THSD7A: variants seen among roughly 807,000 people sequenced by gnomAD.
THSD7A encodes thrombospondin type 1 domain containing 7A.
THSD7A carries 96 observed loss-of-function variants against 231.3 expected under a neutral mutation model. The observed-to-expected ratio is 0.41, with a 90% CI of 0.35 to 0.49. The LOEUF (loss-of-function observed/expected upper bound fraction) is 0.49, where lower values mean the gene tolerates loss of function less well. Among genes scored for constraint, THSD7A ranks in the 20% least tolerant of loss-of-function variants. The probability of loss-of-function intolerance (pLI) is 0.05; values close to 1 mark genes in which losing one functional copy is unlikely to be tolerated. For missense variants in THSD7A, 2,290 were observed against 2,070.2 expected (o/e 1.11, Z -2.06); for synonymous variants, 940 against 743.3 (o/e 1.26, Z -4.30).
At chr7:11,585,983 T>G (rs1779885638) in intron 4 of THSD7A, among the ~76,000 whole-genome samples, 1 of 152,160 alleles carries the variant, frequency 6.6e-6, no homozygotes, top group Admixed American at 6.5e-5. Flanking sequence ...CAGCATTATT[T>G]GAGGACCTGC....
intron 6 of THSD7A, among the ~76,000 whole-genome samples, chr7:11,527,465 T>C (rs1304558324): frequency 6.6e-6 from 1 of 152,156 alleles, no homozygotes; most frequent in Non-Finnish European, 1.5e-5. Flanking sequence ...TCTGCTTTTG[T>C]AAGGACAGTT....
chr7:11,570,930 T>A (rs1240356590), intron 4 of THSD7A, among the ~76,000 whole-genome samples: 1 of 152,198 alleles, frequency 6.6e-6, no homozygotes, highest in African/African-American at 2.4e-5. Context: ...ATGTATTCCA[T>A]TTAATTCTTG....
intron 23 of THSD7A, among the ~76,000 whole-genome samples, chr7:11,395,174 T>C (rs1258094525): frequency 6.7e-6 from 1 of 149,026 alleles, no homozygotes; most frequent in Non-Finnish European, 1.5e-5. Context: ...GTTACAATCC[T>C]AGTCTCTGAT....
intron 13 of THSD7A, among the ~76,000 whole-genome samples, chr7:11,442,061 T>C (rs1784824082): frequency 6.6e-6 from 1 of 152,088 alleles, no homozygotes; most frequent in African/African-American, 2.4e-5. Flanking sequence ...AGAGTAAATA[T>C]ACAAAATTTG....
chr7:11,422,443 C>A (rs533212821), intron 16 of THSD7A, among the ~76,000 whole-genome samples: 19 of 152,048 alleles, frequency 1.2e-4, no homozygotes, highest in Non-Finnish European at 2.6e-4. Flanking sequence ...CAATCAGTAA[C>A]AAACAGAAAC....
chr7:11,576,247 G>T (rs912981861), intron 4 of THSD7A, among the ~76,000 whole-genome samples: 1 of 151,762 alleles, frequency 6.6e-6, no homozygotes, highest in Non-Finnish European at 1.5e-5. Flanking sequence ...CTTTATTGTC[G>T]GTATTTATAG....
intron 1 of THSD7A, among the ~76,000 whole-genome samples, chr7:11,714,511 T>G (rs1781071761): frequency 6.6e-6 from 1 of 151,250 alleles, no homozygotes; most frequent in Non-Finnish European, 1.5e-5. Flanking sequence ...TTGATTGAGT[T>G]AGTGTAAAAT....
intron 11 of THSD7A, among the ~76,000 whole-genome samples, chr7:11,457,089 T>A (rs1785332922): frequency 6.6e-6 from 1 of 152,088 alleles, no homozygotes; most frequent in African/African-American, 2.4e-5. Context: ...ATCGCTTTTA[T>A]TCATATATAT....
intron 6 of THSD7A, among the ~76,000 whole-genome samples, chr7:11,537,044 T>TA (rs145460176): frequency 0.082 from 12,438 of 152,172 alleles, 769 homozygotes; most frequent in East Asian, 0.18. Context: ...TCTCCAGTGG[T>TA]ATAAATTTTC....
intron 1 of THSD7A, among the ~76,000 whole-genome samples, chr7:11,658,613 G>A (rs944449510): frequency 6.6e-6 from 1 of 151,490 alleles, no homozygotes. Flanking sequence ...TACAGCTATC[G>A]CAAGAAATCT....
At chr7:11,672,205 T>C (rs1340837765) in intron 1 of THSD7A, among the ~76,000 whole-genome samples, 1 of 152,174 alleles carries the variant, frequency 6.6e-6, no homozygotes. Flanking sequence ...CTTTCAGATA[T>C]TCTAACAGAG....
At chr7:11,405,865 T>C (rs1783564299) in intron 22 of THSD7A, among the ~76,000 whole-genome samples, 1 of 152,230 alleles carries the variant, frequency 6.6e-6, no homozygotes, top group African/African-American at 2.4e-5. Context: ...TTGTTGTTCA[T>C]TCTACCCTGG....
At position 11,831,130 on chromosome 7, in the gene THSD7A, A is replaced by C. The variant is rs140142295; in HGVS notation, c.190+627T>G. Among the ~76,000 whole-genome samples, 843 of 152,256 alleles carry C rather than the reference A, an allele frequency of 5.5e-3. 10 individuals carry two copies. The highest frequency in any genetic ancestry group is 0.019 in the African/African-American group (796 of 41,548). On this transcript the variant is annotated intron_variant, in intron 1 of 27. Transcript: ENST00000423059. The surrounding 1 kb of genome is among the most constrained non-coding windows in gnomAD (Gnocchi z 5.0). ...TTGGGTGGTTGAAAAACAAAGCAAA[A>C]CAATTCTCAAGGAAGGAAGAGAAAG...
chr7:11,606,856 G>T (rs1283043036), intron 2 of THSD7A, among the ~76,000 whole-genome samples: 1 of 151,960 alleles, frequency 6.6e-6, no homozygotes, highest in Non-Finnish European at 1.5e-5. Flanking sequence ...TAGATAATTT[G>T]TCCCAAGAAT....
chr7:11,749,710 C>G (rs57993664), intron 1 of THSD7A, among the ~76,000 whole-genome samples: 2 of 151,764 alleles, frequency 1.3e-5, no homozygotes, highest in Non-Finnish European at 2.9e-5. Flanking sequence ...CCAAGCATAC[C>G]GGGAGCTATC....
At chr7:11,679,020 C>A (rs1435538562) in intron 1 of THSD7A, among the ~76,000 whole-genome samples, 3 of 152,184 alleles carry the variant, frequency 2.0e-5, no homozygotes, top group African/African-American at 4.8e-5. Context: ...CAGCTTCATC[C>A]CTGGGATGCA....
chr7:11,426,070 AC>A (rs1450573883), intron 15 of THSD7A, among the ~76,000 whole-genome samples: 48 of 122,928 alleles, frequency 3.9e-4, no homozygotes, highest in African/African-American at 5.4e-4. Context: ...AAAAAAAAAA[AC>A]ATTAAAAAAA....
At chr7:11,427,715 T>C (rs1784365601) in intron 14 of THSD7A, among the ~76,000 whole-genome samples, 1 of 152,180 alleles carries the variant, frequency 6.6e-6, no homozygotes, top group Non-Finnish European at 1.5e-5. Flanking sequence ...TGTAGAGAAA[T>C]ATTCTTTTGT....
At chr7:11,716,959 C>A (rs541506217) in intron 1 of THSD7A, among the ~76,000 whole-genome samples, 2 of 151,692 alleles carry the variant, frequency 1.3e-5, no homozygotes, top group Admixed American at 6.6e-5. Flanking sequence ...ATAGAACCAC[C>A]TTTCTCACCT....
Sources: allele counts gnomAD v4.1 joint callset (sites outside exome capture counted in the v4.1 genomes callset), GRCh38; gene constraint gnomAD v4.1.1; non-coding constraint Gnocchi (gnomAD v3.1); transcripts MANE v1.5; gene names NCBI Gene and HGNC (gene_info 2026-07-23, HGNC 2026-07-21).